Variants in MIGA1 observed in about 807,000 individuals in gnomAD.
MIGA1 encodes family with sequence similarity 73, member A.
Under a neutral mutation model 82.0 loss-of-function variants are expected in MIGA1, and 58 were observed. That is an observed-to-expected ratio of 0.71 (90% CI 0.57 to 0.88). The LOEUF (loss-of-function observed/expected upper bound fraction) is 0.88. MIGA1 is among the 40% of genes least tolerant of loss of function. The pLI is 0.00. For missense variants in MIGA1, 751 were observed against 749.1 expected, an observed-to-expected ratio of 1.00 and a Z score of -0.03; for synonymous variants, 249 against 253.6, an observed-to-expected ratio of 0.98 and a Z score of 0.17.
intron 15 of MIGA1, 26 bp downstream of exon 15, chr1:77,873,146 T>C: frequency 6.3e-7 from 1 of 1,587,416 alleles, no homozygotes; most frequent in Non-Finnish European, 8.6e-7. Context: ...GAATCATTTC[T>C]CTTTTTTTTC....
chr1:77,870,048 G>A (rs1287554144), intron 14 of MIGA1, among the ~76,000 whole-genome samples: 430 of 112,762 alleles, frequency 3.8e-3, no homozygotes, highest in African/African-American at 0.013. Flanking sequence ...CCGGGCAGAG[G>A]CGCCCCTCAC....
intron 13 of MIGA1, among the ~76,000 whole-genome samples, chr1:77,864,574 G>T (rs1418252291): frequency 1.3e-5 from 2 of 152,144 alleles, no homozygotes; most frequent in East Asian, 3.8e-4. Context: ...TACTCGGGAG[G>T]CTGAGGTGTA....
chr1:77,779,869 T>G, intron 1 of MIGA1, 133 bp downstream of exon 1: 1 of 1,426,840 alleles, frequency 7.0e-7, no homozygotes, highest in Non-Finnish European at 9.1e-7. Context: ...GCTCTCGGAG[T>G]GCCAGGTGGA....
intron 7 of MIGA1, among the ~76,000 whole-genome samples, chr1:77,838,026 C>T (rs1395437734): frequency 6.6e-6 from 1 of 152,198 alleles, no homozygotes. Context: ...AGAAAGCATT[C>T]ATTGTCTTAC....
chr1:77,846,326 C>T (rs1284119783), intron 8 of MIGA1, among the ~76,000 whole-genome samples: 2 of 152,076 alleles, frequency 1.3e-5, no homozygotes, highest in Non-Finnish European at 2.9e-5. Context: ...TCCCATTTTA[C>T]TCCTAATTCT....
chr1:77,807,687 G>A (rs1401400696), intron 5 of MIGA1, among the ~76,000 whole-genome samples: 2 of 152,144 alleles, frequency 1.3e-5, no homozygotes, highest in Admixed American at 1.3e-4. Flanking sequence ...AGGCTTAGGG[G>A]AGAATCTTTT....
intron 8 of MIGA1, chr1:77,847,069 A>C (rs1228073783): frequency 1.8e-5 from 14 of 766,014 alleles, no homozygotes; most frequent in Non-Finnish European, 3.1e-5. Context: ...CAGAAACTAC[A>C]CCAACAGTAG....
chr1:77,835,328 T>C (rs949270349), intron 7 of MIGA1, among the ~76,000 whole-genome samples: 2 of 152,234 alleles, frequency 1.3e-5, no homozygotes, highest in Non-Finnish European at 2.9e-5. Context: ...GTGGTGTTAA[T>C]GTACTTCCAA....
intron 15 of MIGA1, among the ~76,000 whole-genome samples, chr1:77,873,401 A>T (rs1646866087): frequency 6.6e-6 from 1 of 152,234 alleles, no homozygotes; most frequent in Non-Finnish European, 1.5e-5. Flanking sequence ...TGCAAGGGAT[A>T]CATGGTCTTG....
intron 8 of MIGA1, among the ~76,000 whole-genome samples, chr1:77,857,393 G>A (rs1222146651): frequency 4.0e-5 from 6 of 151,006 alleles, no homozygotes; most frequent in South Asian, 2.1e-4. Context: ...ATTTTGTGAC[G>A]GAGTTTCACT....
chr1:77,788,143 T>G (rs1010666601), intron 2 of MIGA1, among the ~76,000 whole-genome samples: 3 of 152,196 alleles, frequency 2.0e-5, no homozygotes, highest in African/African-American at 7.2e-5. Context: ...GCTGGGATTA[T>G]AGGCATGTGC....
At chr1:77,871,875 C>G (rs577000297) in intron 14 of MIGA1, among the ~76,000 whole-genome samples, 18 of 152,112 alleles carry the variant, frequency 1.2e-4, no homozygotes, top group African/African-American at 4.1e-4. Flanking sequence ...TTTTAAATAG[C>G]TAAAACTTTG....
chr1:77,816,163 C>T (rs2101807412), intron 7 of MIGA1, among the ~76,000 whole-genome samples: 1 of 151,736 alleles, frequency 6.6e-6, no homozygotes, highest in East Asian at 2.0e-4. Context: ...AGGCCGATCT[C>T]CACCTCTTGA....
At chr1:77,845,916 C>G (rs1053827365) in intron 8 of MIGA1, among the ~76,000 whole-genome samples, 13 of 149,798 alleles carry the variant, frequency 8.7e-5, no homozygotes, top group Non-Finnish European at 4.4e-5. Context: ...TAAGCTTTGC[C>G]AAACATTGGT....
chr1:77,833,729 A>G (rs967952839), intron 7 of MIGA1, among the ~76,000 whole-genome samples: 3 of 152,204 alleles, frequency 2.0e-5, no homozygotes, highest in Non-Finnish European at 4.4e-5. Flanking sequence ...ATACAGAATG[A>G]CCAGTTGTAC....
At chr1:77,828,866 G>A (rs1259704229) in intron 7 of MIGA1, among the ~76,000 whole-genome samples, 1 of 152,016 alleles carries the variant, frequency 6.6e-6, no homozygotes. Flanking sequence ...TGTAGACATG[G>A]GAGTCTTCCT....
At chr1:77,856,318 C>T (rs1185098419) in intron 8 of MIGA1, among the ~76,000 whole-genome samples, 1 of 152,108 alleles carries the variant, frequency 6.6e-6, no homozygotes, top group East Asian at 1.9e-4. Flanking sequence ...AGGATTTTAG[C>T]ATCTATGTTC....
intron 4 of MIGA1, among the ~76,000 whole-genome samples, chr1:77,804,785 AC>A (rs1490854677): frequency 6.6e-6 from 1 of 151,540 alleles, no homozygotes; most frequent in Admixed American, 6.6e-5. Context: ...ATGTGTCACC[AC>A]ACCCGGGTAG....
At chr1:77,802,448 G>A (rs555677368) in intron 3 of MIGA1, among the ~76,000 whole-genome samples, 1 of 152,122 alleles carries the variant, frequency 6.6e-6, no homozygotes, top group Admixed American at 6.6e-5. Flanking sequence ...TAAGTGCCGG[G>A]ATTTGAATCC....
Sources: gnomAD v4.1 joint callset for allele counts (sites outside exome capture counted in the v4.1 genomes callset) on GRCh38, gnomAD v4.1.1 for gene constraint, MANE v1.5 for transcripts, NCBI Gene and HGNC (gene_info 2026-07-23, HGNC 2026-07-21) for gene names.